The following ZNF354A variants were observed in gnomAD, a reference collection of about 807,000 sequenced individuals.
The protein encoded by ZNF354A is epididymis luminal protein 104.
Under a neutral mutation model 53.3 loss-of-function variants are expected in ZNF354A, and 25 were observed. The observed-to-expected ratio is 0.47, with a 90% CI of 0.34 to 0.66. The LOEUF (loss-of-function observed/expected upper bound fraction) is 0.66. ZNF354A is among the 30% of genes least tolerant of loss of function. The pLI, the probability that ZNF354A is intolerant of heterozygous loss-of-function variation, is 0.01. For missense variants in ZNF354A, 586 were observed against 716.8 expected, an observed-to-expected ratio of 0.82 and a Z score of 2.08; for synonymous variants, 228 against 249.0, an observed-to-expected ratio of 0.92 and a Z score of 0.79.
At position 178,713,479 on chromosome 5, in the gene ZNF354A, C is replaced by G; in HGVS notation, c.399G>C (p.Glu133Asp). The change falls in exon 5 of 5, where the codon GAG becomes GAC. Residue 133 changes from glutamate to aspartate, a missense_variant. By Grantham distance (45) the Glu-to-Asp change is conservative (BLOSUM62 2). Transcript: ENST00000335815. Reference sequence around the variant, plus strand: ...AACTTCCCTTTTTATCCTGCTTTTTCTCTAATCTGCCTTCATATATGTAAG... The same window carrying G: ...AACTTCCCTTTTTATCCTGCTTTTTGTCTAATCTGCCTTCATATATGTAAG... ...EKPYIYEGRL[E>D]KKQDKKGSFQ... is the part of the protein sequence containing the mutation. 1.2e-6 allele frequency: 2 copies of G among 1,613,660 alleles called. No homozygotes were observed. Among genetic ancestry groups the G allele is most frequent in the South Asian group, 2.2e-5 (2 of 91,020 alleles).
intron 4 of ZNF354A, among the ~76,000 whole-genome samples, chr5:178,716,341 T>C (rs2074903035): frequency 6.6e-6 from 1 of 152,230 alleles, no homozygotes; most frequent in Non-Finnish European, 1.5e-5. Flanking sequence ...CTATCTGATC[T>C]GACCTTTATC....
chr5:178,713,430 T>G lies in ZNF354A; in HGVS notation c.448A>C (p.Lys150Gln). Residue 150 changes from lysine to glutamine, a missense_variant, in exon 5 of 5, where the codon AAA becomes CAA. Coordinates refer to ENST00000335815, the MANE Select transcript of ZNF354A (RefSeq NM_005649.3). ...GSFQIVSATH[K>Q]KIPTIERSHK... ...CTTCTTTCTATAGTGGGGATTTTTT[T>G]GTGGGTGGCTGAAACTATCTGAAAA... 2 of 1,613,386 alleles carry G rather than the reference T, an allele frequency of 1.2e-6. No individual in the cohort carries two copies. Among genetic ancestry groups the G allele is most frequent in the Non-Finnish European group, 1.7e-6 (2 of 1,179,874 alleles).
At position 178,712,839 on chromosome 5, in the gene ZNF354A, T is replaced by A. The variant is rs760188820; in HGVS notation, c.1039A>T (p.Ile347Phe). ...AAGTAGGACTTCTTTCTAGAATGAA[T>A]TCTTTGACATCCAGAAAGGGATGTG... The part of the protein sequence containing the change: ...CSTSLSGCQR[I>F]HSRKKSYLCN... The change falls in exon 5 of 5, where the codon ATT becomes TTT. Residue 347 changes from isoleucine to phenylalanine, a missense_variant. Around this residue, in one of 2 missense-constraint regions of ZNF354A, gnomAD observed 573 missense variants for 680.1 expected, o/e 0.84. Coordinates refer to ENST00000335815, the MANE Select transcript of ZNF354A (RefSeq NM_005649.3). 5.6e-6 allele frequency: 9 copies of A among 1,614,070 alleles called. No individual in the cohort carries two copies. In the South Asian group the frequency reaches 9.9e-5, roughly 18 times the overall value.
chr5:178,723,103 C>G (rs150492392), intron 4 of ZNF354A, among the ~76,000 whole-genome samples: 1 of 152,258 alleles, frequency 6.6e-6, no homozygotes, highest in East Asian at 1.9e-4. Flanking sequence ...GTAGCCAGGG[C>G]CAGACCACGT....
rs1765632685 is a variant in ZNF354A at position 178,712,252 on chromosome 5, C to T, written c.1626G>A (p.Arg542=). The change falls in exon 5 of 5, where the codon AGG becomes AGA. Residue 542 remains arginine (R), a synonymous_variant. Transcript: ENST00000335815. ...TAAAGGGTTTTTCTCCTGTATGAAT[C>T]CTTCGATGCTGAATAAGAGCTGAAC... is the stretch of plus-strand genomic sequence containing the variant. The part of the protein sequence containing the change: ...GQSSALIQHR[R]IHTGEKPFKC... 6.2e-7 allele frequency: 1 copy of T among 1,613,910 alleles called. No homozygotes were observed. The highest frequency in any genetic ancestry group is 8.5e-7 in the Non-Finnish European group (1 of 1,179,982).
intron 4 of ZNF354A, among the ~76,000 whole-genome samples, chr5:178,720,746 T>C (rs1765798202): frequency 6.6e-6 from 1 of 152,212 alleles, no homozygotes; most frequent in Non-Finnish European, 1.5e-5. Context: ...TCCACTAGGT[T>C]ATGCTAGAGC....
intron 4 of ZNF354A, among the ~76,000 whole-genome samples, chr5:178,720,463 T>G (rs1765791696): frequency 6.6e-6 from 1 of 152,136 alleles, no homozygotes; most frequent in South Asian, 2.1e-4. Context: ...AAAGATGATG[T>G]GAAGACACCG....
chr5:178,716,117 G>T (rs1184869878), intron 4 of ZNF354A, among the ~76,000 whole-genome samples: 2 of 151,872 alleles, frequency 1.3e-5, no homozygotes, highest in Non-Finnish European at 2.9e-5. Flanking sequence ...GGCTGGTCTC[G>T]AACTCCTGAT....
Position 178,712,419 on chromosome 5 carries a change from TTC to T in ZNF354A, c.1457_1458del (p.Arg486AsnfsTer9). 1.2e-6 allele frequency: 2 copies of T among 1,613,934 alleles called. No homozygotes were observed. Among genetic ancestry groups the T allele is most frequent in the Non-Finnish European group, 1.7e-6 (2 of 1,179,852 alleles). The part of the protein sequence containing the change: ...RQSSALIQHQ[R>X]MHTGERPYKC... ...TTATAGGGTCTTTCTCCAGTATGCA[TTC>T]TCTGATGTTGAATGAGAGCTGAACT... On this transcript the variant is annotated frameshift_variant, in exon 5 of 5. Transcript: ENST00000335815. LOFTEE classifies it high-confidence loss of function.
Position 178,711,985 on chromosome 5 carries a change from T to C in ZNF354A, c.*75A>G. 6.7e-7 allele frequency: 1 copy of C among 1,490,504 alleles called. No individual in the cohort carries two copies. Among genetic ancestry groups the C allele is most frequent in the African/African-American group, 1.4e-5 (1 of 71,308 alleles). 92.3% of individuals were successfully genotyped at this position (1,490,504 alleles called of 1,614,324 possible). On this transcript the variant is annotated 3_prime_UTR_variant, in exon 5 of 5. Transcript: ENST00000335815. ...TACAGTTTTTTTCACATCCATTACA[T>C]TTATTACATCTCTCTCAAGGATGTA...
At chr5:178,726,043 C>T (rs942685407) in intron 3 of ZNF354A, 1 of 375,492 alleles carries the variant, frequency 2.7e-6, no homozygotes, top group Non-Finnish European at 5.4e-6. Context: ...AGGGTTTCAC[C>T]ATGTTGGCCA....
intron 4 of ZNF354A, among the ~76,000 whole-genome samples, chr5:178,724,531 C>G (rs1765869483): frequency 6.6e-6 from 1 of 152,138 alleles, no homozygotes. Flanking sequence ...AGCGTTCTGC[C>G]TCACTTTCAA....
chr5:178,727,651 T>G (rs1765936777), intron 2 of ZNF354A, among the ~76,000 whole-genome samples: 1 of 152,236 alleles, frequency 6.6e-6, no homozygotes, highest in Admixed American at 6.5e-5. Context: ...TATTGAAGGC[T>G]TTCTATGGGC....
intron 4 of ZNF354A, among the ~76,000 whole-genome samples, chr5:178,717,440 A>G (rs1332974135): frequency 6.6e-6 from 1 of 152,040 alleles, no homozygotes; most frequent in African/African-American, 2.4e-5. Flanking sequence ...GTTAGGGATC[A>G]TGCCTAGGTT....
At chr5:178,724,341 C>T (rs536695355) in intron 4 of ZNF354A, among the ~76,000 whole-genome samples, 1 of 152,016 alleles carries the variant, frequency 6.6e-6, no homozygotes, top group East Asian at 1.9e-4. Context: ...TCTCCTGTCT[C>T]AGCCTCCGGA....
Position 178,711,945 on chromosome 5 carries a change from T to C in ZNF354A, c.*115A>G. The C allele has an allele frequency of 7.6e-7, 1 of 1,316,892 alleles. No individual in the cohort carries two copies. Among genetic ancestry groups the C allele is most frequent in the Non-Finnish European group, 1.0e-6 (1 of 975,310 alleles). The allele number at this position is 1,316,892 out of a possible 1,614,324, so 81.6% of individuals were successfully genotyped here. On this transcript the variant is annotated 3_prime_UTR_variant, in exon 5 of 5. Coordinates refer to ENST00000335815, the MANE Select transcript of ZNF354A (RefSeq NM_005649.3). ...TTTATCCATGGAATTAAATACCTAA[T>C]GAGGGCTAAATTATTACAGTTTTTT...
At chr5:178,719,429 C>T (rs1354105545) in intron 4 of ZNF354A, among the ~76,000 whole-genome samples, 2 of 152,112 alleles carry the variant, frequency 1.3e-5, no homozygotes, top group Non-Finnish European at 2.9e-5. Flanking sequence ...AGTGAGGGTG[C>T]AGGTAGAAAA....
At chr5:178,714,754 TA>T (rs1765683851) in intron 4 of ZNF354A, among the ~76,000 whole-genome samples, 1 of 152,054 alleles carries the variant, frequency 6.6e-6, no homozygotes, top group Non-Finnish European at 1.5e-5. Context: ...TACATACACA[TA>T]CATACTTCAT....
chr5:178,730,377 C>T (rs1414425764), intron 1 of ZNF354A, among the ~76,000 whole-genome samples, 179 bp downstream of exon 1: 4 of 150,478 alleles, frequency 2.7e-5, no homozygotes, highest in Non-Finnish European at 5.9e-5. Flanking sequence ...GCGGGTGCAC[C>T]AGCAACGGCG....
Sources: gnomAD v4.1 joint callset for allele counts (sites outside exome capture counted in the v4.1 genomes callset) on GRCh38, gnomAD v4.1.1 for gene constraint, gnomAD v4.1.1 regional missense constraint, MANE v1.5 for transcripts, NCBI Gene and HGNC (gene_info 2026-07-23, HGNC 2026-07-21) for gene names.